BNIPL: variants seen among roughly 807,000 people sequenced by gnomAD.
BNIPL encodes BCL2 interacting protein like, also known as bcl-2/adenovirus E1B 19 kDa-interacting protein 2-like protein.
BNIPL carries 33 observed loss-of-function variants against 47.0 expected under a neutral mutation model. The ratio of observed to expected loss-of-function variants is 0.70; its 90% CI spans 0.53 to 0.94. The LOEUF is 0.94. Ranked by LOEUF, BNIPL falls within the 40% of genes least tolerant of loss-of-function variation. BNIPL has a pLI of 0.00. For missense variants in BNIPL, 404 were observed against 445.2 expected (o/e 0.91, Z 0.83); for synonymous variants, 145 against 162.7 (o/e 0.89, Z 0.83).
At chr1:151,045,738 C>A (rs765376960) in intron 7 of BNIPL, 59 bp from the exon 8 acceptor site, 1 of 1,612,710 alleles carries the variant, frequency 6.2e-7, no homozygotes, top group Non-Finnish European at 8.5e-7. Flanking sequence ...AACAGTTCCA[C>A]GTGATCTTCA....
chr1:151,037,926 G>C (rs899382704), intron 2 of BNIPL, among the ~76,000 whole-genome samples: 9 of 147,424 alleles, frequency 6.1e-5, no homozygotes, highest in Non-Finnish European at 1.2e-4. Context: ...CTTGAACCTG[G>C]GAGGCAGAGG....
intron 4 of BNIPL, among the ~76,000 whole-genome samples, chr1:151,039,947 C>T (rs587681924): frequency 2.1e-4 from 32 of 152,188 alleles, no homozygotes; most frequent in African/African-American, 6.5e-4. Flanking sequence ...GATGGGGTTT[C>T]GCCATGTTGG....
chr1:151,037,492 T>C lies in BNIPL; in HGVS notation c.42-75T>C, dbSNP rs1571833706. 3 of 1,531,774 alleles carry C rather than the reference T, an allele frequency of 2.0e-6. No homozygotes were observed. The East Asian group carries it at 7.5e-5, about 38-fold the overall frequency. The allele number at this position is 1,531,774 out of a possible 1,614,324, so 94.9% of individuals were successfully genotyped here. Reference sequence around the variant, plus strand: ...GCCTATCCTCTGCTCTGTATCTCAATTACTGTTCTTCATTTCAATTATTCT... The same window carrying C: ...GCCTATCCTCTGCTCTGTATCTCAACTACTGTTCTTCATTTCAATTATTCT... On this transcript the variant is annotated intron_variant, in intron 1 of 9. Coordinates refer to ENST00000368931, the MANE Select transcript of BNIPL (RefSeq NM_138278.4).
intron 7 of BNIPL, 115 bp downstream of exon 7, chr1:151,043,842 C>A: frequency 7.9e-7 from 1 of 1,271,026 alleles, no homozygotes; most frequent in Non-Finnish European, 1.1e-6. Context: ...TTTTACGTTC[C>A]TTTCCCAGCT....
rs368443846 is a variant in BNIPL, at chr1:151,038,824, G to A, written c.231G>A (p.Leu77=). 5 of 1,606,798 alleles carry A rather than the reference G, an allele frequency of 3.1e-6. No individual in the cohort carries two copies. In the African/African-American group the frequency reaches 5.3e-5, roughly 17 times the overall value. The part of the protein sequence containing the change: ...AAAGTPSTLA[L]CGQRPMRKRL... ...CAGGTACCCCCAGCACTTTAGCCCT[G>A]TGTGGCCAGCGCCCCATGCGCAAGC... Residue 77 remains leucine, a synonymous_variant, in exon 4 of 10, where the codon CTG becomes CTA. Transcript: ENST00000368931.
intron 3 of BNIPL, 45 bp downstream of exon 3, chr1:151,038,613 A>G (rs1675711158): frequency 6.2e-7 from 1 of 1,601,834 alleles, no homozygotes; most frequent in Non-Finnish European, 8.6e-7. Context: ...ATTCTAGTCC[A>G]GTAAAGGGCT....
intron 7 of BNIPL, chr1:151,045,108 A>C: frequency 2.6e-6 from 1 of 383,050 alleles, no homozygotes. Flanking sequence ...TCTACTAAAA[A>C]AATACAAAAA....
Position 151,043,127 on chromosome 1 carries a change from T to C in BNIPL, c.605T>C (p.Leu202Pro). ...GTCATTGAGCCCTATAAGAAAGTCCTGTCTCATGGAGGTAATGGCTAGCAT... is the reference window on the plus strand; with the variant it reads ...GTCATTGAGCCCTATAAGAAAGTCCCGTCTCATGGAGGTAATGGCTAGCAT... ...MTVIEPYKKV[L>P]SHGGYHGDGL... The change falls in exon 5 of 10, where the codon CTG becomes CCG. Residue 202 changes from leucine to proline, a missense_variant. Transcript: ENST00000368931. 1 of 1,613,128 alleles carries C rather than the reference T, an allele frequency of 6.2e-7. No homozygotes were observed. The highest frequency in any genetic ancestry group is 8.5e-7 in the Non-Finnish European group (1 of 1,179,382).
intron 4 of BNIPL, 105 bp downstream of exon 4, chr1:151,039,131 A>T (rs2102960532): frequency 7.4e-7 from 1 of 1,342,380 alleles, no homozygotes; most frequent in South Asian, 2.5e-5. Flanking sequence ...GGTGGGACCA[A>T]GGGCTACGGC....
intron 4 of BNIPL, 151 bp from the exon 5 acceptor site, chr1:151,042,805 C>G: frequency 1.6e-6 from 1 of 624,458 alleles, no homozygotes; most frequent in Non-Finnish European, 2.5e-6. Context: ...CAGAGTGAGA[C>G]TCTGTCTCAA....
At chr1:151,039,108 T>A (rs2102960515) in intron 4 of BNIPL, 82 bp downstream of exon 4, 2 of 1,395,400 alleles carry the variant, frequency 1.4e-6, no homozygotes. Context: ...GGGACTGCAG[T>A]TAGAACTAAT....
At position 151,038,527 on chromosome 1, in the gene BNIPL, C is replaced by G. The variant is rs587631557; in HGVS notation, c.161C>G (p.Thr54Ser). 32 of 1,613,822 alleles carry G rather than the reference C, an allele frequency of 2.0e-5. No individual in the cohort carries two copies. The Admixed American group carries it at 4.8e-4, about 24-fold the overall frequency. The change falls in exon 3 of 10, where the codon ACT becomes AGT. Residue 54 changes from threonine (T) to serine (S), a missense_variant. Transcript: ENST00000368931. The stretch of plus-strand genomic sequence containing the variant: ...AGATTGCTTCCTGAGGAGGCTGGCA[C>G]TTCTGAAGATCCTGAAGACCCTAAA... ...FPRLLPEEAG[T>S]SEDPEDPKGD...
At chr1:151,043,570 C>A (rs1675907114) in intron 6 of BNIPL, 26 bp from the exon 7 acceptor site, 4 of 1,602,484 alleles carry the variant, frequency 2.5e-6, no homozygotes, top group African/African-American at 1.3e-5. Flanking sequence ...CTAACACATA[C>A]CTTCCCTGCA....
chr1:151,037,290 G>A, intron 1 of BNIPL: 3 of 1,093,052 alleles, frequency 2.7e-6, no homozygotes, highest in Non-Finnish European at 3.4e-6. Flanking sequence ...TGTAATGTGG[G>A]ACATCTCTCA....
intron 4 of BNIPL, among the ~76,000 whole-genome samples, chr1:151,039,512 T>C (rs1242408098): frequency 4.6e-5 from 7 of 152,064 alleles, no homozygotes; most frequent in Non-Finnish European, 7.4e-5. Context: ...TATCAGGTAG[T>C]TGGAGAGAGG....
In BNIPL at chr1:151,037,564, T is replaced by C; in HGVS notation, c.42-3T>C. On this transcript the variant is annotated splice_region_variant and splice_polypyrimidine_tract_variant and intron_variant, in intron 1 of 9. Coordinates refer to ENST00000368931, the MANE Select transcript of BNIPL (RefSeq NM_138278.4). ...GATCTTTTCTTCTTGGGGGCTGTCT[T>C]AGGGTCAGGGAGATTGCAGAAGCAC... 6.2e-7 allele frequency: 1 copy of C among 1,601,700 alleles called. No homozygotes were observed. The highest frequency in any genetic ancestry group is 8.5e-7 in the Non-Finnish European group (1 of 1,173,836).
chr1:151,044,389 G>T (rs1437006748), intron 7 of BNIPL, among the ~76,000 whole-genome samples: 1 of 152,154 alleles, frequency 6.6e-6, no homozygotes, highest in Non-Finnish European at 1.5e-5. Context: ...CACACAGAAA[G>T]CACTCTTCTC....
chr1:151,043,622 T>C lies in BNIPL; in HGVS notation c.746T>C (p.Leu249Pro). 2 of 1,612,264 alleles carry C rather than the reference T, an allele frequency of 1.2e-6. No individual in the cohort carries two copies. Among genetic ancestry groups the C allele is most frequent in the Non-Finnish European group, 1.7e-6 (2 of 1,178,344 alleles). ...TATATGGTGGGAACTCTGGAGCTGC[T>C]AGTAGCTGAAAATTACCTGCTTGTT... Reference protein sequence around the residue: ...FRYMVGTLELLVAENYLLVHL... With the variant: ...FRYMVGTLELPVAENYLLVHL... Residue 249 changes from leucine to proline, a missense_variant, in exon 7 of 10, where the codon CTA becomes CCA. By Grantham distance (98) the Leu-to-Pro change is moderately conservative (BLOSUM62 -3). Transcript: ENST00000368931.
At chr1:151,043,181 T>C (rs1248662196) in intron 5 of BNIPL, 43 bp downstream of exon 5, 3 of 1,582,600 alleles carry the variant, frequency 1.9e-6, no homozygotes, top group East Asian at 2.2e-5. Context: ...TATGGCTTCT[T>C]AATAAAATGC....
Sources: allele counts gnomAD v4.1 joint callset (sites outside exome capture counted in the v4.1 genomes callset), GRCh38; gene constraint gnomAD v4.1.1; transcripts MANE v1.5; gene names NCBI Gene and HGNC (gene_info 2026-07-23, HGNC 2026-07-21).